The following OR3A2 variants were observed in gnomAD, a reference collection of about 807,000 sequenced individuals.
OR3A2 encodes olfactory receptor 3A2.
For synonymous variants in OR3A2, 126 were observed against 159.3 expected (o/e 0.79, Z 1.57); for missense variants, 318 against 392.8 (o/e 0.81, Z 1.61).
chr17:3,317,864 C>G (rs1156667335), intron 3 of OR3A2, among the ~76,000 whole-genome samples: 1 of 152,090 alleles, frequency 6.6e-6, no homozygotes, highest in Admixed American at 6.6e-5. Context: ...GCCCTTTGTA[C>G]CACACTAGCC....
chr17:3,345,950 G>T (rs2049360754), intron 2 of OR3A2, among the ~76,000 whole-genome samples: 1 of 152,168 alleles, frequency 6.6e-6, no homozygotes, highest in South Asian at 2.1e-4. Flanking sequence ...TGGGGATGGG[G>T]GAGAAGGGGC....
At chr17:3,359,591 G>T (rs1342218042) in intron 2 of OR3A2, among the ~76,000 whole-genome samples, 2 of 151,668 alleles carry the variant, frequency 1.3e-5, no homozygotes, top group Admixed American at 6.6e-5. Context: ...TAAGAATGTT[G>T]ATTATAGGTC....
Position 3,369,417 on chromosome 17 carries a change from C to T in OR3A2, c.-179+14387G>A, listed in dbSNP as rs145043119. Among the ~76,000 whole-genome samples, 978 of 152,218 alleles carry T rather than the reference C, an allele frequency of 6.4e-3. 9 individuals are homozygous for T. The highest frequency in any genetic ancestry group is 0.027 in the Middle Eastern group (8 of 294). ...TACCTTAAGCCATGTCCCTTCTATG[C>T]TAATTTTGCTGAGGGTTTTAATCAT... On this transcript the variant is annotated intron_variant, in intron 2 of 4. Transcript: ENST00000573491.
intron 2 of OR3A2, among the ~76,000 whole-genome samples, chr17:3,376,648 A>G (rs1406140043): frequency 7.2e-5 from 11 of 152,146 alleles, no homozygotes; most frequent in Non-Finnish European, 1.5e-4. Flanking sequence ...ACCCACCAAT[A>G]GCACTGAGTT....
At chr17:3,297,954 A>T (rs1308940820) in intron 3 of OR3A2, among the ~76,000 whole-genome samples, 1 of 151,888 alleles carries the variant, frequency 6.6e-6, no homozygotes, top group Non-Finnish European at 1.5e-5. Flanking sequence ...CTTTATCTAG[A>T]TGGCGTGGGG....
rs1429897328 is a variant in OR3A2, at chr17:3,352,463, TCTGA to T, written c.-178-16341_-178-16338del. Among the ~76,000 whole-genome samples, 3 of 152,028 alleles carry T rather than the reference TCTGA, an allele frequency of 2.0e-5. No homozygotes were observed. In the East Asian group the frequency reaches 5.8e-4, roughly 29 times the overall value. On this transcript the variant is annotated intron_variant, in intron 2 of 4. Coordinates refer to the OR3A2 transcript ENST00000573491. ...AGAGACAGGGGTCTAGTTTTATTCT[TCTGA>T]CTATGGATATCCAGTTTTCCCAACA...
intron 2 of OR3A2, among the ~76,000 whole-genome samples, chr17:3,357,307 G>A (rs1040008023): frequency 6.6e-6 from 1 of 151,546 alleles, no homozygotes; most frequent in African/African-American, 2.4e-5. Context: ...GTGTCGTCTG[G>A]GGCTCTATCA....
At chr17:3,349,293 C>G (rs138512095) in intron 2 of OR3A2, among the ~76,000 whole-genome samples, 1 of 152,018 alleles carries the variant, frequency 6.6e-6, no homozygotes, top group Non-Finnish European at 1.5e-5. Context: ...ACCCATCTCA[C>G]GGGCAGAGAC....
intron 3 of OR3A2, among the ~76,000 whole-genome samples, chr17:3,308,404 A>G (rs1172007319): frequency 6.6e-6 from 1 of 152,024 alleles, no homozygotes; most frequent in African/African-American, 2.4e-5. Context: ...GTCTCATCTC[A>G]AGACTCCTCA....
intron 2 of OR3A2, among the ~76,000 whole-genome samples, chr17:3,363,373 T>C (rs2049535066): frequency 6.6e-6 from 1 of 151,850 alleles, no homozygotes; most frequent in Admixed American, 6.5e-5. Context: ...CACAGATTTC[T>C]AGGGCAGGAG....
At chr17:3,386,245 G>C in exon 1 of OR3A2, 1 of 398,786 alleles carries the variant, frequency 2.5e-6, no homozygotes. Flanking sequence ...CTTCTTCGTG[G>C]CTCTGGGCAT....
At chr17:3,321,006 C>T (rs2049117488) in intron 3 of OR3A2, among the ~76,000 whole-genome samples, 1 of 152,132 alleles carries the variant, frequency 6.6e-6, no homozygotes. Flanking sequence ...TCTTCCTACC[C>T]ATGAGCATGG....
downstream of OR3A2, among the ~76,000 whole-genome samples, chr17:3,276,492 C>T (rs564870189): frequency 6.6e-5 from 10 of 152,260 alleles, no homozygotes; most frequent in East Asian, 1.7e-3. Context: ...AAAATAATAT[C>T]GTCTGAATGT....
intron 3 of OR3A2, among the ~76,000 whole-genome samples, chr17:3,314,055 T>C (rs1038260658): frequency 5.9e-5 from 9 of 152,242 alleles, no homozygotes; most frequent in African/African-American, 2.2e-4. Flanking sequence ...AAGACAATCA[T>C]TGAATTTGAC....
intron 3 of OR3A2, chr17:3,310,160 C>T (rs1056067520): frequency 3.3e-5 from 12 of 360,908 alleles, no homozygotes; most frequent in African/African-American, 8.5e-5. Context: ...CAACTTCCTT[C>T]CCCTTACATT....
intron 3 of OR3A2, among the ~76,000 whole-genome samples, chr17:3,326,457 G>C (rs1469457504): frequency 1.3e-5 from 2 of 152,044 alleles, no homozygotes; most frequent in African/African-American, 2.4e-5. Context: ...AGCTGCAGCA[G>C]AGGAACATAA....
At chr17:3,288,660 A>G (rs574074023), upstream of OR3A2, among the ~76,000 whole-genome samples, 11 of 152,218 alleles carry the variant, frequency 7.2e-5, no homozygotes, top group African/African-American at 2.7e-4. Context: ...ATAACATCCA[A>G]TGAGGTCAAA....
intron 3 of OR3A2, chr17:3,292,589 C>T (rs1196392762): frequency 1.9e-6 from 3 of 1,589,588 alleles, no homozygotes; most frequent in South Asian, 1.1e-5. Flanking sequence ...GCATGAGTTC[C>T]TGCAAAGAAA....
chr17:3,295,624 T>C (rs1259553282), intron 3 of OR3A2, among the ~76,000 whole-genome samples: 1 of 151,678 alleles, frequency 6.6e-6, no homozygotes, highest in Non-Finnish European at 1.5e-5. Context: ...TGGGCCAAGC[T>C]CATCTAGTAA....
Sources: allele counts gnomAD v4.1 joint callset (sites outside exome capture counted in the v4.1 genomes callset), GRCh38; gene constraint gnomAD v4.1.1; transcripts MANE v1.5; gene names NCBI Gene and HGNC (gene_info 2026-07-23, HGNC 2026-07-21).